The following TENM3 variants were observed in gnomAD, a reference collection of about 807,000 sequenced individuals.
TENM3 encodes teneurin transmembrane protein 3.
TENM3 carries 63 observed loss-of-function variants against 255.1 expected under a neutral mutation model. The ratio of observed to expected loss-of-function variants is 0.25; its 90% CI spans 0.20 to 0.30. TENM3 has a LOEUF of 0.30. Ranked by LOEUF, TENM3 falls within the 10% of genes least tolerant of loss-of-function variation. The probability of loss-of-function intolerance (pLI) is 1.00; values close to 1 mark genes in which losing one functional copy is unlikely to be tolerated. For missense variants in TENM3, 2,929 were observed against 3,461.1 expected, an observed-to-expected ratio of 0.85 and a Z score of 3.86; for synonymous variants, 1,306 against 1,322.3, an observed-to-expected ratio of 0.99 and a Z score of 0.27.
chr4:182,323,987 A>G lies in TENM3; in HGVS notation c.-34A>G, dbSNP rs372313174. The G allele has an allele frequency of 2.1e-5, 33 of 1,585,218 alleles. No homozygotes were observed. The highest frequency in any genetic ancestry group is 2.6e-5 in the Non-Finnish European group (30 of 1,159,528). On this transcript the variant is annotated 5_prime_UTR_variant, in exon 2 of 28. Coordinates refer to ENST00000511685, the MANE Select transcript of TENM3 (RefSeq NM_001080477.4). ...TGAACCCTGAGCCTAAGTTGTCACCAGCAGGACTGATGTGCACACAGAAGG... is the reference window on the plus strand; with the variant it reads ...TGAACCCTGAGCCTAAGTTGTCACCGGCAGGACTGATGTGCACACAGAAGG...
At chr4:182,711,615 G>A (rs1045715467) in intron 12 of TENM3, 21 of 968,374 alleles carry the variant, frequency 2.2e-5, no homozygotes, top group African/African-American at 2.1e-4. Flanking sequence ...CTGTATACTC[G>A]CTCTTTGTTG....
At chr4:182,407,991 A>G (rs1300105872) in intron 3 of TENM3, among the ~76,000 whole-genome samples, 1 of 152,210 alleles carries the variant, frequency 6.6e-6, no homozygotes, top group African/African-American at 2.4e-5. Context: ...CTCCTGCCCA[A>G]TGTTATAAAC....
At chr4:181,628,944 A>G in the TENM3 span, among the ~76,000 whole-genome samples, 1 of 152,008 alleles carries the variant, frequency 6.6e-6, no homozygotes, top group Non-Finnish European at 1.5e-5. Flanking sequence ...CATTTTCACG[A>G]TATTGATTCT....
At chr4:182,569,985 C>A (rs189506482) in intron 3 of TENM3, among the ~76,000 whole-genome samples, 6 of 152,140 alleles carry the variant, frequency 3.9e-5, no homozygotes, top group African/African-American at 1.4e-4. Context: ...AAAATTAACT[C>A]CACCTGCTTC....
At chr4:181,737,775 AAGCGGTCATCTGACTTTGGGATATGCCCT>A in the TENM3 span, among the ~76,000 whole-genome samples, 1 of 151,920 alleles carries the variant, frequency 6.6e-6, no homozygotes, top group African/African-American at 2.4e-5. Flanking sequence ...TGATATGCCC[AAGCGGTCATCTGACTTTGGGATATGCCCT>A]AGCTTAAATG....
intron 3 of TENM3, among the ~76,000 whole-genome samples, chr4:182,428,887 G>A (rs1424790157): frequency 4.6e-5 from 7 of 152,026 alleles, no homozygotes; most frequent in Non-Finnish European, 4.4e-5. Context: ...AGGGTATTGT[G>A]TTGATATAAT....
At chr4:182,385,097 A>G (rs1006008159) in intron 3 of TENM3, among the ~76,000 whole-genome samples, 14 of 152,026 alleles carry the variant, frequency 9.2e-5, no homozygotes, top group African/African-American at 2.7e-4. Context: ...GTAAGTACAA[A>G]CACATCATCA....
chr4:182,232,950 A>G (rs995070356), intron 1 of TENM3, among the ~76,000 whole-genome samples: 12 of 152,304 alleles, frequency 7.9e-5, no homozygotes, highest in African/African-American at 2.9e-4. Context: ...TTAAACTTAC[A>G]GATTTTTTAT....
chr4:181,636,012 C>T, the TENM3 span, among the ~76,000 whole-genome samples: 11 of 152,072 alleles, frequency 7.2e-5, no homozygotes, highest in African/African-American at 1.9e-4. Flanking sequence ...TATATGTACA[C>T]ACATGTGGAA....
chr4:182,264,560 T>C (rs181805009), intron 1 of TENM3, among the ~76,000 whole-genome samples: 60 of 152,344 alleles, frequency 3.9e-4, no homozygotes, highest in Admixed American at 3.5e-3. Flanking sequence ...GACTGTCCTG[T>C]GCTGTAGCTC....
At chr4:181,557,726 T>A in the TENM3 span, among the ~76,000 whole-genome samples, 1 of 152,138 alleles carries the variant, frequency 6.6e-6, no homozygotes, top group Non-Finnish European at 1.5e-5. Flanking sequence ...AGACAGGGTT[T>A]TGCCATGTTG....
chr4:181,574,350 T>TG, the TENM3 span, among the ~76,000 whole-genome samples: 1 of 151,438 alleles, frequency 6.6e-6, no homozygotes, highest in South Asian at 2.1e-4. Flanking sequence ...GCTAACAAGG[T>TG]GAAACCCCGT....
chr4:181,997,202 T>C, the TENM3 span, among the ~76,000 whole-genome samples: 1 of 152,152 alleles, frequency 6.6e-6, no homozygotes, highest in Non-Finnish European at 1.5e-5. Context: ...CTCTAGTTGA[T>C]TCGTAAATAG....
rs150612862 is a variant in TENM3 at position 182,768,530 on chromosome 4, C to CT, written c.4893-4941dup. On this transcript the variant is annotated intron_variant, in intron 22 of 27. Coordinates refer to ENST00000511685, the MANE Select transcript of TENM3 (RefSeq NM_001080477.4). ...AGGCAGATAGACCCATTTTAAAAGT[C>CT]TAGGGAAGCTCTGGGAATAGAAAGA... is the stretch of plus-strand genomic sequence containing the variant. 3.1e-3 allele frequency among the ~76,000 whole-genome samples: 471 copies of CT among 152,088 alleles called. 1 individual carries two copies. The highest frequency in any genetic ancestry group is 0.011 in the African/African-American group (442 of 41,480).
intron 1 of TENM3, among the ~76,000 whole-genome samples, chr4:182,225,529 A>G (rs1325244033): frequency 6.6e-6 from 1 of 152,174 alleles, no homozygotes; most frequent in Non-Finnish European, 1.5e-5. Flanking sequence ...GGGTTGTGGC[A>G]TGTGGAATGG....
intron 1 of TENM3, among the ~76,000 whole-genome samples, chr4:182,166,223 T>C (rs1751713520): frequency 6.6e-6 from 1 of 152,236 alleles, no homozygotes; most frequent in African/African-American, 2.4e-5. Context: ...GCTTTAAAAC[T>C]CTGTTCAGGC....
At chr4:182,100,878 G>T in the TENM3 span, among the ~76,000 whole-genome samples, 5 of 124,254 alleles carry the variant, frequency 4.0e-5, 2 homozygotes, top group Admixed American at 1.7e-4. Flanking sequence ...TATATATAGA[G>T]AGAGAGAGAG....
At chr4:181,471,700 G>A in the TENM3 span, among the ~76,000 whole-genome samples, 2 of 152,120 alleles carry the variant, frequency 1.3e-5, no homozygotes, top group African/African-American at 2.4e-5. Flanking sequence ...TAAGGTTATA[G>A]GAGAGAAAAA....
At chr4:181,832,334 T>G in the TENM3 span, among the ~76,000 whole-genome samples, 1 of 152,222 alleles carries the variant, frequency 6.6e-6, no homozygotes, top group Non-Finnish European at 1.5e-5. Context: ...TCAGCGTGTG[T>G]TAATAAGATT....
Sources: allele counts gnomAD v4.1 joint callset (sites outside exome capture counted in the v4.1 genomes callset), GRCh38; gene constraint gnomAD v4.1.1; transcripts MANE v1.5; gene names NCBI Gene and HGNC (gene_info 2026-07-23, HGNC 2026-07-21).